The following PRKCE variants were observed in gnomAD, a reference collection of about 807,000 sequenced individuals.
The protein encoded by PRKCE is protein kinase C epsilon type.
PRKCE carries 16 observed loss-of-function variants against 85.4 expected under a neutral mutation model. The observed-to-expected ratio is 0.19, with a 90% CI of 0.13 to 0.28. PRKCE has a LOEUF of 0.28. Ranked by LOEUF, PRKCE falls within the 10% of genes least tolerant of loss-of-function variation. PRKCE has a pLI of 1.00. For synonymous variants in PRKCE, 388 were observed against 371.5 expected, an observed-to-expected ratio of 1.04 and a Z score of -0.51; for missense variants, 573 against 975.2, an observed-to-expected ratio of 0.59 and a Z score of 5.49.
intron 10 of PRKCE, among the ~76,000 whole-genome samples, chr2:46,033,143 C>G (rs1005480417): frequency 6.6e-6 from 1 of 152,190 alleles, no homozygotes; most frequent in African/African-American, 2.4e-5. Flanking sequence ...TCAGTCATTT[C>G]TGGGAGGATT....
At chr2:45,886,038 C>T (rs1695275156) in intron 2 of PRKCE, among the ~76,000 whole-genome samples, 1 of 152,180 alleles carries the variant, frequency 6.6e-6, no homozygotes, top group African/African-American at 2.4e-5. Flanking sequence ...TGGCCTCCTG[C>T]TCCTCCTCTT....
intron 11 of PRKCE, among the ~76,000 whole-genome samples, chr2:46,128,724 A>G (rs180756212): frequency 3.2e-4 from 48 of 152,316 alleles, no homozygotes; most frequent in Non-Finnish European, 4.6e-4. Flanking sequence ...GTTGACCATT[A>G]AAAATAAGGT....
chr2:45,794,725 G>T (rs1687284853), intron 1 of PRKCE, among the ~76,000 whole-genome samples: 2 of 151,990 alleles, frequency 1.3e-5, no homozygotes, highest in South Asian at 2.1e-4. Context: ...CACTCCCAAG[G>T]TTGGACTGTT....
At chr2:45,868,319 C>CAAAAAAAAAAA (rs371501864) in intron 2 of PRKCE, among the ~76,000 whole-genome samples, 1 of 35,998 alleles carries the variant, frequency 2.8e-5, no homozygotes, top group African/African-American at 1.1e-4. Context: ...CTTTCCTGTC[C>CAAAAAAAAAAA]AAAAAAAAAA....
intron 1 of PRKCE, among the ~76,000 whole-genome samples, chr2:45,761,102 C>T (rs185025397): frequency 6.5e-4 from 99 of 152,008 alleles, no homozygotes; most frequent in South Asian, 2.1e-3. Context: ...CCAAGGTGGG[C>T]GGATCACGAG....
Position 45,907,773 on chromosome 2 carries a change from C to G in PRKCE, c.412+64710C>G, listed in dbSNP as rs1327459526. 6.6e-6 allele frequency among the ~76,000 whole-genome samples: 1 copy of G among 152,246 alleles called. No individual in the cohort carries two copies. Among genetic ancestry groups the G allele is most frequent in the African/African-American group, 2.4e-5 (1 of 41,466 alleles). ...TGAGCCAATGGCCACCTCTGGGTCTCTGCTGCCTCCTTCTGAAGTGGGTGT... is the reference window on the plus strand; with the variant it reads ...TGAGCCAATGGCCACCTCTGGGTCTGTGCTGCCTCCTTCTGAAGTGGGTGT... On this transcript the variant is annotated intron_variant, in intron 2 of 14. Coordinates refer to ENST00000306156, the MANE Select transcript of PRKCE (RefSeq NM_005400.3). This position sits in a 1 kb window ranked among gnomAD's most constrained non-coding sequence, Gnocchi z 4.5.
At chr2:46,105,000 T>C (rs1671580445) in intron 11 of PRKCE, among the ~76,000 whole-genome samples, 1 of 151,450 alleles carries the variant, frequency 6.6e-6, no homozygotes, top group Admixed American at 6.6e-5. Flanking sequence ...CTAATAAATG[T>C]CCTCTGTGAC....
chr2:45,914,350 G>A (rs536917249), intron 2 of PRKCE, among the ~76,000 whole-genome samples: 2 of 152,326 alleles, frequency 1.3e-5, no homozygotes, highest in East Asian at 1.9e-4. Context: ...AGCAAGCTCT[G>A]TTTGGACATG....
chr2:45,839,653 T>G (rs1691188605), intron 1 of PRKCE, among the ~76,000 whole-genome samples: 1 of 152,212 alleles, frequency 6.6e-6, no homozygotes, highest in Non-Finnish European at 1.5e-5. Context: ...ATTGCATCAT[T>G]ATCTGGACCA....
At chr2:45,941,751 G>A (rs1464650775) in intron 2 of PRKCE, among the ~76,000 whole-genome samples, 4 of 152,212 alleles carry the variant, frequency 2.6e-5, no homozygotes, top group Non-Finnish European at 5.9e-5. Context: ...GGGACTTGAA[G>A]TTAGGGCCTA....
At chr2:45,936,799 G>A (rs1224357011) in intron 2 of PRKCE, among the ~76,000 whole-genome samples, 1 of 152,176 alleles carries the variant, frequency 6.6e-6, no homozygotes, top group African/African-American at 2.4e-5. Context: ...CTGGTGTAGG[G>A]AATGTCTCCT....
Position 45,701,926 on chromosome 2 carries a change from C to T in PRKCE, c.348+49478C>T, listed in dbSNP as rs1441212800. Among the ~76,000 whole-genome samples the T allele has an allele frequency of 2.6e-5, 4 of 152,294 alleles. No homozygotes were observed. In the East Asian group the frequency reaches 7.7e-4, roughly 29 times the overall value. Reference sequence around the variant, plus strand: ...TACAAAGATGGGCCAGGCGCGGTGGCTCACACCTGTAATCTGAGAATTTTG... The same window carrying T: ...TACAAAGATGGGCCAGGCGCGGTGGTTCACACCTGTAATCTGAGAATTTTG... On this transcript the variant is annotated intron_variant, in intron 1 of 14. Transcript: ENST00000306156.
chr2:46,046,310 G>T (rs896504985), intron 10 of PRKCE, among the ~76,000 whole-genome samples: 2 of 152,216 alleles, frequency 1.3e-5, no homozygotes, highest in East Asian at 3.8e-4. Flanking sequence ...GTTGGATATA[G>T]GCTCTGGGGC....
intron 1 of PRKCE, among the ~76,000 whole-genome samples, chr2:45,838,029 G>A (rs1691033883): frequency 1.3e-5 from 2 of 152,232 alleles, no homozygotes; most frequent in East Asian, 3.8e-4. Context: ...AGGGCTTGAT[G>A]TGGGTTGGGC....
At chr2:45,879,229 T>C (rs538434423) in intron 2 of PRKCE, among the ~76,000 whole-genome samples, 6 of 152,324 alleles carry the variant, frequency 3.9e-5, no homozygotes, top group African/African-American at 1.4e-4. Flanking sequence ...GAGGGACGGC[T>C]TGATGGCGGG....
intron 1 of PRKCE, among the ~76,000 whole-genome samples, chr2:45,727,508 G>C (rs1343778966): frequency 6.6e-6 from 1 of 152,180 alleles, no homozygotes; most frequent in Non-Finnish European, 1.5e-5. Flanking sequence ...AGGTAGCTTA[G>C]AGGATTTGAC....
At chr2:46,051,529 C>G (rs1558396278) in intron 10 of PRKCE, among the ~76,000 whole-genome samples, 1 of 152,260 alleles carries the variant, frequency 6.6e-6, no homozygotes, top group Non-Finnish European at 1.5e-5. Flanking sequence ...TAAGGTGGCT[C>G]TGCTCTCCTT....
intron 2 of PRKCE, among the ~76,000 whole-genome samples, chr2:45,876,949 C>T (rs1019032652): frequency 1.3e-5 from 2 of 152,150 alleles, no homozygotes; most frequent in Non-Finnish European, 2.9e-5. Flanking sequence ...TAGTTTGAAA[C>T]ATGAGCATTC....
chr2:46,107,070 C>T (rs930581081), intron 11 of PRKCE, among the ~76,000 whole-genome samples: 2 of 152,206 alleles, frequency 1.3e-5, no homozygotes, highest in African/African-American at 4.8e-5. Context: ...TTAACAAATG[C>T]ATAGCATCAT....
Sources: allele counts gnomAD v4.1 joint callset (sites outside exome capture counted in the v4.1 genomes callset), GRCh38; gene constraint gnomAD v4.1.1; non-coding constraint Gnocchi (gnomAD v3.1); transcripts MANE v1.5; gene names NCBI Gene and HGNC (gene_info 2026-07-23, HGNC 2026-07-21).